COBL: variants seen among roughly 807,000 people sequenced by gnomAD.
COBL encodes the protein protein cordon-bleu.
Under a neutral mutation model 98.8 loss-of-function variants are expected in COBL, and 51 were observed. The ratio of observed to expected loss-of-function variants is 0.52; its 90% CI spans 0.41 to 0.65. The LOEUF is 0.65. Ranked by LOEUF, COBL falls within the 30% of genes least tolerant of loss-of-function variation. COBL has a pLI of 0.00. For missense variants in COBL, 1,617 were observed against 1,617.5 expected, an observed-to-expected ratio of 1.00 and a Z score of 0.01; for synonymous variants, 634 against 651.7, an observed-to-expected ratio of 0.97 and a Z score of 0.41.
intron 5 of COBL, among the ~76,000 whole-genome samples, chr7:51,175,164 C>G (rs891307880): frequency 6.6e-6 from 1 of 152,278 alleles, no homozygotes; most frequent in Admixed American, 6.5e-5. Flanking sequence ...AAGAGGAAAA[C>G]TACCTTTTCC....
At chr7:51,138,117 C>T (rs888605689) in intron 5 of COBL, among the ~76,000 whole-genome samples, 17 of 152,208 alleles carry the variant, frequency 1.1e-4, no homozygotes, top group Non-Finnish European at 2.9e-5. Flanking sequence ...CCTGCAGACA[C>T]TGAATATCAA....
At chr7:51,282,051 T>A (rs1034078832) in intron 1 of COBL, among the ~76,000 whole-genome samples, 1 of 151,986 alleles carries the variant, frequency 6.6e-6, no homozygotes, top group Non-Finnish European at 1.5e-5. Flanking sequence ...AGGGATATAC[T>A]AAAAATCCCA....
chr7:51,074,191 AT>A (rs369421469), intron 7 of COBL, among the ~76,000 whole-genome samples: 19,916 of 99,510 alleles, frequency 0.2, 819 homozygotes, highest in African/African-American at 0.28. Context: ...CAAGGTAATG[AT>A]TTTTTTTTTT....
chr7:51,124,502 T>C (rs1050979781), intron 6 of COBL, among the ~76,000 whole-genome samples: 12 of 152,298 alleles, frequency 7.9e-5, no homozygotes, highest in African/African-American at 2.9e-4. Flanking sequence ...TGGAATGAGA[T>C]GGCCTTTCCA....
intron 6 of COBL, among the ~76,000 whole-genome samples, chr7:51,129,578 G>A (rs994498501): frequency 1.8e-4 from 28 of 152,150 alleles, no homozygotes; most frequent in South Asian, 2.1e-4. Flanking sequence ...CTGTAGGTGT[G>A]TCAGGGAACA....
intron 6 of COBL, among the ~76,000 whole-genome samples, chr7:51,128,345 A>G (rs1301821735): frequency 1.3e-5 from 2 of 152,208 alleles, no homozygotes; most frequent in South Asian, 2.1e-4. Context: ...TATGCACAGC[A>G]AAGTAAGTGG....
Position 51,029,394 on chromosome 7 carries a change from C to G in COBL, c.1702G>C (p.Asp568His). Residue 568 changes from aspartate (D) to histidine (H), a missense_variant, in exon 10 of 13, where the codon GAC (aspartate) becomes CAC (histidine). Physicochemically the swap from Asp to His is moderately conservative, Grantham distance 81. Transcript: ENST00000265136. ...CTCCTGCTGGCAACACCCTCCGAGT[C>G]GAAAGACCCAGCATTGTTGTTTCTA... ...SNRNNNAGSF[D>H]SEGVASRRDS... The G allele has an allele frequency of 6.2e-7, 1 of 1,612,988 alleles. No individual in the cohort carries two copies.
chr7:51,289,381 T>TC (rs1800682109), intron 1 of COBL, among the ~76,000 whole-genome samples: 1 of 152,136 alleles, frequency 6.6e-6, no homozygotes, highest in Non-Finnish European at 1.5e-5. Flanking sequence ...CTCTCAGCCC[T>TC]CCCTGGATCC....
chr7:51,097,532 T>C (rs1795384061), intron 6 of COBL, among the ~76,000 whole-genome samples: 1 of 152,212 alleles, frequency 6.6e-6, no homozygotes, highest in Non-Finnish European at 1.5e-5. Flanking sequence ...ATATACATGA[T>C]TTTATATGTA....
At chr7:51,305,249 T>C (rs1414338988) in intron 1 of COBL, among the ~76,000 whole-genome samples, 3 of 152,224 alleles carry the variant, frequency 2.0e-5, no homozygotes, top group Non-Finnish European at 2.9e-5. Context: ...CCTAGGCACA[T>C]GGGTAAATCA....
chr7:51,289,488 C>A (rs975052404), intron 1 of COBL, among the ~76,000 whole-genome samples: 3 of 152,228 alleles, frequency 2.0e-5, no homozygotes, highest in African/African-American at 4.8e-5. Flanking sequence ...CCACTGCCTA[C>A]AACGGAGCTC....
At chr7:51,096,433 G>A (rs983097365) in intron 6 of COBL, among the ~76,000 whole-genome samples, 14 of 152,024 alleles carry the variant, frequency 9.2e-5, no homozygotes, top group African/African-American at 3.4e-4. Context: ...GAGCTCATCA[G>A]CAATATGACT....
intron 7 of COBL, among the ~76,000 whole-genome samples, chr7:51,084,205 T>C (rs1389944228): frequency 1.3e-5 from 2 of 152,034 alleles, no homozygotes; most frequent in African/African-American, 4.8e-5. Context: ...GCCACGGAGC[T>C]CTCACTAAAG....
chr7:51,105,585 C>T (rs1796185172), intron 6 of COBL, among the ~76,000 whole-genome samples: 1 of 152,014 alleles, frequency 6.6e-6, no homozygotes, highest in Non-Finnish European at 1.5e-5. Flanking sequence ...CCCATCTCTA[C>T]TAAAAATACA....
chr7:51,035,391 G>A (rs1788541851), intron 8 of COBL: 1 of 151,526 alleles, frequency 6.6e-6, no homozygotes, highest in Non-Finnish European at 1.5e-5. Context: ...TGAGAGGAGA[G>A]AGATGTTGCT....
intron 6 of COBL, among the ~76,000 whole-genome samples, chr7:51,117,910 CA>C (rs1797419252): frequency 6.6e-6 from 1 of 152,186 alleles, no homozygotes; most frequent in Non-Finnish European, 1.5e-5. Flanking sequence ...GTTTCTTGAG[CA>C]GCAATCAAAT....
At chr7:51,310,620 C>T (rs1441371630) in intron 1 of COBL, among the ~76,000 whole-genome samples, 2 of 152,092 alleles carry the variant, frequency 1.3e-5, no homozygotes, top group Non-Finnish European at 2.9e-5. Context: ...AGCCAGGACG[C>T]GTGACTTACC....
intron 6 of COBL, among the ~76,000 whole-genome samples, chr7:51,108,380 G>A (rs1796511952): frequency 6.6e-6 from 1 of 152,202 alleles, no homozygotes; most frequent in South Asian, 2.1e-4. Context: ...GCTGGACTGT[G>A]GAAAGGGATT....
chr7:51,138,068 G>A (rs1482722567), intron 5 of COBL, among the ~76,000 whole-genome samples: 2 of 152,128 alleles, frequency 1.3e-5, no homozygotes, highest in African/African-American at 4.8e-5. Flanking sequence ...AAAGGACAAA[G>A]CACTCCATGA....
Sources: allele counts gnomAD v4.1 joint callset (sites outside exome capture counted in the v4.1 genomes callset), GRCh38; gene constraint gnomAD v4.1.1; transcripts MANE v1.5; gene names NCBI Gene and HGNC (gene_info 2026-07-23, HGNC 2026-07-21).